ZNF91: variants seen among roughly 807,000 people sequenced by gnomAD.
ZNF91 encodes zinc finger protein 91 (HPF7, HTF10).
A neutral mutation model predicts 12.6 loss-of-function variants in ZNF91; 7 were observed. That is an observed-to-expected ratio of 0.55 (90% CI 0.31 to 1.04). The LOEUF (loss-of-function observed/expected upper bound fraction) is 1.04. Ranked by LOEUF, ZNF91 falls within the 50% of genes least tolerant of loss-of-function variation. The probability of loss-of-function intolerance (pLI) is 0.05; values close to 1 mark genes in which losing one functional copy is unlikely to be tolerated. For missense variants in ZNF91, 1,217 were observed against 1,385.4 expected (o/e 0.88, Z 1.93); for synonymous variants, 453 against 462.6 (o/e 0.98, Z 0.27).
chr19:23,384,607 C>T, intron 1 of ZNF91: 1 of 900,550 alleles, frequency 1.1e-6, no homozygotes. Context: ...GACATTCTGT[C>T]TCCCGATATC....
At chr19:23,394,144 T>G (rs1970155850) in intron 1 of ZNF91, among the ~76,000 whole-genome samples, 1 of 152,126 alleles carries the variant, frequency 6.6e-6, no homozygotes, top group African/African-American at 2.4e-5. Flanking sequence ...AAGCCAGAGT[T>G]AGGCTGGAGG....
chr19:23,331,149 G>A (rs1967922563), intron 1 of ZNF91, among the ~76,000 whole-genome samples: 1 of 152,126 alleles, frequency 6.6e-6, no homozygotes, highest in Non-Finnish European at 1.5e-5. Context: ...AGGCCCTGGT[G>A]TGTTACATTT....
chr19:23,373,343 A>C (rs1480033863), intron 3 of ZNF91, among the ~76,000 whole-genome samples: 3 of 107,186 alleles, frequency 2.8e-5, no homozygotes, highest in African/African-American at 1.1e-4. Context: ...AGATCATGTA[A>C]TCTTATATAT....
chr19:23,354,564 A>T (rs1256226859), downstream of ZNF91, among the ~76,000 whole-genome samples: 4 of 152,174 alleles, frequency 2.6e-5, no homozygotes, highest in African/African-American at 9.7e-5. Context: ...CGGGAACAAG[A>T]CAAGGATGCC....
chr19:23,344,982 C>T (rs907860630), intron 3 of ZNF91, among the ~76,000 whole-genome samples: 12 of 152,190 alleles, frequency 7.9e-5, no homozygotes, highest in Non-Finnish European at 1.2e-4. Context: ...TCTCACCTAC[C>T]AGTAAGTATC....
intron 3 of ZNF91, among the ~76,000 whole-genome samples, chr19:23,365,774 C>T (rs527344954): frequency 1.4e-4 from 22 of 152,070 alleles, no homozygotes; most frequent in South Asian, 1.0e-3. Context: ...TGACTCTTAA[C>T]GAGCATGCTG....
At chr19:23,308,759 T>C (rs1262146666) in intron 2 of ZNF91, 1 of 152,250 alleles carries the variant, frequency 6.6e-6, no homozygotes, top group Non-Finnish European at 1.5e-5. Context: ...TACCCAAAAA[T>C]GGAATATCTC....
At position 23,377,762 on chromosome 19, in the gene ZNF91, AAAC is replaced by A. The variant is rs556018528; in HGVS notation, c.31-3001_31-2999del. Among the ~76,000 whole-genome samples, 21 of 152,350 alleles carry A rather than the reference AAAC, an allele frequency of 1.4e-4. 1 individual carries two copies. The South Asian group carries it at 3.9e-3, about 29-fold the overall frequency. ...ATTTCTGAGTAAGTCTGCATTTGGA[AAAC>A]AACATGTGCACATGTACTAATGCAA... On this transcript the variant is annotated intron_variant, in intron 1 of 3. Coordinates refer to ENST00000300619, the MANE Select transcript of ZNF91 (RefSeq NM_003430.4).
intron 1 of ZNF91, among the ~76,000 whole-genome samples, chr19:23,375,996 A>G (rs1053320665): frequency 4.6e-5 from 7 of 152,212 alleles, no homozygotes; most frequent in African/African-American, 1.4e-4. Flanking sequence ...TCCGTGTTCT[A>G]CAATTTTTAA....
At chr19:23,345,430 T>C (rs1319699812) in intron 3 of ZNF91, among the ~76,000 whole-genome samples, 1 of 152,212 alleles carries the variant, frequency 6.6e-6, no homozygotes, top group African/African-American at 2.4e-5. Flanking sequence ...CATTGGACTT[T>C]ACAATTTTAA....
At chr19:23,327,348 C>A (rs1204202159) in intron 1 of ZNF91, 1 of 152,012 alleles carries the variant, frequency 6.6e-6, no homozygotes, top group East Asian at 1.9e-4. Context: ...ATTTAACTTT[C>A]TTTTAAAAGA....
intron 3 of ZNF91, among the ~76,000 whole-genome samples, chr19:23,370,638 C>T (rs1180643175): frequency 6.6e-6 from 1 of 152,046 alleles, no homozygotes; most frequent in Non-Finnish European, 1.5e-5. Flanking sequence ...GTAGCTGGGA[C>T]CACAGGTACA....
chr19:23,310,343 A>G (rs1353763575), intron 1 of ZNF91, among the ~76,000 whole-genome samples: 1 of 152,176 alleles, frequency 6.6e-6, no homozygotes, highest in African/African-American at 2.4e-5. Flanking sequence ...CAAAAGTTGG[A>G]AAATTGACTC....
chr19:23,364,562 AT>A lies in ZNF91; in HGVS notation c.254-1838del, dbSNP rs1475577523. On this transcript the variant is annotated intron_variant, in intron 3 of 3. Coordinates refer to ENST00000300619, the MANE Select transcript of ZNF91 (RefSeq NM_003430.4). ...GATGATTAATATGACTAAATTAAAT[AT>A]TTATTTTCTGGTAAATTTTGTTTTT... Among the ~76,000 whole-genome samples, 5 of 149,566 alleles carry A rather than the reference AT, an allele frequency of 3.3e-5. No individual in the cohort carries two copies. The East Asian group carries it at 9.9e-4, about 30-fold the overall frequency.
chr19:23,321,415 G>A (rs1967692064), intron 1 of ZNF91, among the ~76,000 whole-genome samples: 4 of 152,110 alleles, frequency 2.6e-5, no homozygotes, highest in Admixed American at 2.6e-4. Context: ...TGACTCTTCT[G>A]CCTGGGCCCA....
Position 23,371,439 on chromosome 19 carries a change from C to T in ZNF91, c.253+2303G>A, listed in dbSNP as rs116946445. 3.5e-3 allele frequency among the ~76,000 whole-genome samples: 533 copies of T among 152,186 alleles called. 4 individuals are homozygous for T. The highest frequency in any genetic ancestry group is 6.4e-3 in the Non-Finnish European group (437 of 68,018). ...GGTCATATTTGTAGACATAAAAACACACATATATAATCTGATTGTGATAGA... is the reference window on the plus strand; with the variant it reads ...GGTCATATTTGTAGACATAAAAACATACATATATAATCTGATTGTGATAGA... On this transcript the variant is annotated intron_variant, in intron 3 of 3. Transcript: ENST00000300619.
At chr19:23,381,075 T>C (rs1208221637) in intron 1 of ZNF91, among the ~76,000 whole-genome samples, 1 of 152,184 alleles carries the variant, frequency 6.6e-6, no homozygotes, top group Non-Finnish European at 1.5e-5. Context: ...AATTAATAAG[T>C]ATATCAGACT....
intron 3 of ZNF91, among the ~76,000 whole-genome samples, chr19:23,342,796 A>G (rs547643016): frequency 6.6e-6 from 1 of 151,952 alleles, no homozygotes; most frequent in African/African-American, 2.4e-5. Flanking sequence ...ATAGTTCTCT[A>G]ACATTGCATC....
downstream of ZNF91, among the ~76,000 whole-genome samples, chr19:23,357,545 C>T (rs1024369759): frequency 6.6e-5 from 10 of 152,164 alleles, no homozygotes; most frequent in African/African-American, 2.4e-4. Flanking sequence ...AATTTATTTA[C>T]ACCTAAGATT....
Sources: gnomAD v4.1 joint callset for allele counts (sites outside exome capture counted in the v4.1 genomes callset) on GRCh38, gnomAD v4.1.1 for gene constraint, MANE v1.5 for transcripts, NCBI Gene and HGNC (gene_info 2026-07-23, HGNC 2026-07-21) for gene names.